TBC1D2: variants seen among roughly 807,000 people sequenced by gnomAD.
The protein encoded by TBC1D2 is TBC1 domain family member 2A.
Under a neutral mutation model 91.1 loss-of-function variants are expected in TBC1D2, and 58 were observed. The ratio of observed to expected loss-of-function variants is 0.64; its 90% CI spans 0.52 to 0.79. The LOEUF is 0.79. Among genes scored for constraint, TBC1D2 ranks in the 30% least tolerant of loss-of-function variants. TBC1D2 has a pLI of 0.00. For missense variants in TBC1D2, 1,080 were observed against 1,208.3 expected (o/e 0.89, Z 1.57); for synonymous variants, 482 against 511.5 (o/e 0.94, Z 0.78).
chr9:98,235,623 G>C lies in TBC1D2; in HGVS notation c.648-2074C>G, dbSNP rs1023879015. 1.4e-4 allele frequency: 55 copies of C among 384,268 alleles called. 1 individual carries two copies. The highest frequency in any genetic ancestry group is 4.2e-4 in the Admixed American group (12 of 28,374). The allele number at this position is 384,268 out of a possible 1,614,324, so 23.8% of individuals were successfully genotyped here. A position where few individuals can be genotyped will look rare whatever the true frequency, so the allele number is the denominator to read the frequency against. ...AGCTATAATCCTAGAATTATTGTCT[G>C]TTTCTCTAAAGCACTTCCCAAAATA... On this transcript the variant is annotated intron_variant, in intron 3 of 12. Transcript: ENST00000465784.
intron 6 of TBC1D2, among the ~76,000 whole-genome samples, chr9:98,214,862 A>T (rs1588038915): frequency 6.6e-6 from 1 of 151,966 alleles, no homozygotes; most frequent in East Asian, 1.9e-4. Flanking sequence ...CCCCCTGTTG[A>T]CTTTATCACA....
At chr9:98,225,768 T>C (rs1829218102) in intron 5 of TBC1D2, among the ~76,000 whole-genome samples, 1 of 152,226 alleles carries the variant, frequency 6.6e-6, no homozygotes, top group South Asian at 2.1e-4. Flanking sequence ...TGCTCACATC[T>C]TCTCTTCCCC....
Position 98,244,386 on chromosome 9 carries a change from C to T in TBC1D2, c.512-257G>A, listed in dbSNP as rs543332195. 4.6e-5 allele frequency among the ~76,000 whole-genome samples: 7 copies of T among 152,188 alleles called. No homozygotes were observed. The East Asian group carries it at 1.2e-3, about 25-fold the overall frequency. Reference sequence around the variant, plus strand: ...AAAAATATGCAGACCTGGCTGGGAGCGGTGGCTCATGCCTGTAATCTCAGC... The same window carrying T: ...AAAAATATGCAGACCTGGCTGGGAGTGGTGGCTCATGCCTGTAATCTCAGC... On this transcript the variant is annotated intron_variant, in intron 2 of 12. Transcript: ENST00000465784.
chr9:98,240,021 C>T (rs900312238), intron 3 of TBC1D2, among the ~76,000 whole-genome samples: 1 of 152,054 alleles, frequency 6.6e-6, no homozygotes, highest in African/African-American at 2.4e-5. Flanking sequence ...TAGCAATGCT[C>T]TCTTTTGTTC....
Position 98,221,107 on chromosome 9 carries a change from C to A in TBC1D2, c.1100G>T (p.Arg367Leu), listed in dbSNP as rs975116004. The change falls in exon 6 of 13, where the codon CGG (arginine) becomes CTG (leucine). Residue 367 changes from arginine (R) to leucine (L), a missense_variant. By Grantham distance (102) the Arg-to-Leu change is moderately radical. Transcript: ENST00000465784. ...CCGCCGGCCCAGCTCCGCGATCTGCCGCACTTTGTGCCGCACCAGCTCCAG... is the reference window on the plus strand; with the variant it reads ...CCGCCGGCCCAGCTCCGCGATCTGCAGCACTTTGTGCCGCACCAGCTCCAG... The part of the protein sequence containing the change: ...DRLELVRHKV[R>L]QIAELGRRVE... 1.2e-6 allele frequency: 2 copies of A among 1,602,994 alleles called. No homozygotes were observed. The highest frequency in any genetic ancestry group is 1.7e-6 in the Non-Finnish European group (2 of 1,175,480).
At chr9:98,244,317 T>C (rs1290134741) in intron 2 of TBC1D2, among the ~76,000 whole-genome samples, 188 bp from the exon 3 acceptor site, 1 of 152,218 alleles carries the variant, frequency 6.6e-6, no homozygotes, top group East Asian at 1.9e-4. Flanking sequence ...CTGCAGCCAG[T>C]AAAATGATGC....
At chr9:98,222,927 C>A (rs1829134354) in intron 5 of TBC1D2, among the ~76,000 whole-genome samples, 1 of 152,178 alleles carries the variant, frequency 6.6e-6, no homozygotes, top group Non-Finnish European at 1.5e-5. Context: ...GGACTAGTGA[C>A]CATCCTTTCT....
chr9:98,238,093 G>A (rs747095453), intron 3 of TBC1D2, among the ~76,000 whole-genome samples: 2 of 135,008 alleles, frequency 1.5e-5, no homozygotes, highest in Non-Finnish European at 3.0e-5. Flanking sequence ...TAGTAGAGAC[G>A]GGATTTTACC....
intron 10 of TBC1D2, among the ~76,000 whole-genome samples, chr9:98,202,882 A>C (rs1265089893): frequency 2.0e-5 from 3 of 152,258 alleles, no homozygotes; most frequent in Admixed American, 6.5e-5. Context: ...TGACCAGTAA[A>C]CTGCAAGTAG....
At chr9:98,248,226 C>A (rs1384477140) in intron 2 of TBC1D2, among the ~76,000 whole-genome samples, 1 of 152,226 alleles carries the variant, frequency 6.6e-6, no homozygotes, top group East Asian at 1.9e-4. Context: ...CCCATGAAGG[C>A]ACAAGCTCCC....
rs1829300139 is a variant in TBC1D2, at chr9:98,228,945, A to C, written c.978+7T>G. On this transcript the variant is annotated splice_region_variant and intron_variant, in intron 5 of 12. Coordinates refer to ENST00000465784, the MANE Select transcript of TBC1D2 (RefSeq NM_001267571.2). The surrounding 1 kb of genome is among the most constrained non-coding windows in gnomAD (Gnocchi z 4.0). ...GAACCTGGGGCCTCCCTGGGACCAG[A>C]CCTCACCTTCTGAGACTTTAACTCC... 5 of 1,613,136 alleles carry C rather than the reference A, an allele frequency of 3.1e-6. No homozygotes were observed. The highest frequency in any genetic ancestry group is 4.2e-6 in the Non-Finnish European group (5 of 1,179,314).
At chr9:98,251,235 G>A (rs57262924) in intron 2 of TBC1D2, among the ~76,000 whole-genome samples, 7,457 of 151,854 alleles carry the variant, frequency 0.049, 369 homozygotes, top group African/African-American at 0.13. Flanking sequence ...AAGTTGCAGT[G>A]AGCCGAGATT....
rs765612368 is a variant in TBC1D2 at position 98,238,664 on chromosome 9, A to G, written c.648-5115T>C. ...GGAAAATATTCAGTCTTTTACCATTAAGTATGTTAGCTTTGCATTTTTCAT... is the reference window on the plus strand; with the variant it reads ...GGAAAATATTCAGTCTTTTACCATTGAGTATGTTAGCTTTGCATTTTTCAT... On this transcript the variant is annotated intron_variant, in intron 3 of 12. Transcript: ENST00000465784. Among the ~76,000 whole-genome samples the G allele has an allele frequency of 8.7e-5, 12 of 137,356 alleles. 1 individual carries two copies. The highest frequency in any genetic ancestry group is 2.1e-4 in the South Asian group (1 of 4,790). The allele number at this position is 137,356 out of a possible 152,430, so 90.1% of individuals were successfully genotyped here. A position where few individuals can be genotyped will look rare whatever the true frequency, so the allele number is the denominator to read the frequency against.
chr9:98,237,997 G>T (rs1219509146), intron 3 of TBC1D2, among the ~76,000 whole-genome samples: 6 of 145,788 alleles, frequency 4.1e-5, no homozygotes, highest in Non-Finnish European at 9.0e-5. Context: ...TCTGCCTCCC[G>T]GGTTCAAGCG....
In TBC1D2 at chr9:98,208,891, C is replaced by G. The variant is rs753055922; in HGVS notation, c.1927G>C (p.Val643Leu). Residue 643 changes from valine (V) to leucine (L), a missense_variant, in exon 9 of 13, where the codon GTC (valine) becomes CTC (leucine). Val to Leu is a conservative substitution (Grantham distance 32). Coordinates refer to ENST00000465784, the MANE Select transcript of TBC1D2 (RefSeq NM_001267571.2). Reference sequence around the variant, plus strand: ...CAGCCTGGAGTGTGCAGGTGCTGGACACGGAGGTGGACCAGCCACCTCCAG... The same window carrying G: ...CAGCCTGGAGTGTGCAGGTGCTGGAGACGGAGGTGGACCAGCCACCTCCAG... Reference protein sequence around the residue: ...RVWRWLVHLRVQHLHTPGCYQ... With the variant: ...RVWRWLVHLRLQHLHTPGCYQ... 6.2e-7 allele frequency: 1 copy of G among 1,614,144 alleles called. No homozygotes were observed. Among genetic ancestry groups the G allele is most frequent in the East Asian group, 2.2e-5 (1 of 44,876 alleles).
At chr9:98,244,387 G>A (rs774095953) in intron 2 of TBC1D2, among the ~76,000 whole-genome samples, 11 of 152,238 alleles carry the variant, frequency 7.2e-5, no homozygotes, top group East Asian at 1.9e-4. Flanking sequence ...GGCTGGGAGC[G>A]GTGGCTCATG....
In TBC1D2 at chr9:98,208,891, C is replaced by T. The variant is rs753055922; in HGVS notation, c.1927G>A (p.Val643Ile). 2.5e-6 allele frequency: 4 copies of T among 1,614,026 alleles called. No homozygotes were observed. Among genetic ancestry groups the T allele is most frequent in the Non-Finnish European group, 3.4e-6 (4 of 1,180,020 alleles). ...CAGCCTGGAGTGTGCAGGTGCTGGA[C>T]ACGGAGGTGGACCAGCCACCTCCAG... ...RVWRWLVHLR[V>I]QHLHTPGCYQ... Residue 643 changes from valine (V) to isoleucine (I), a missense_variant, in exon 9 of 13, where the codon GTC becomes ATC. Physicochemically the swap from Val to Ile is conservative, Grantham distance 29 (BLOSUM62 3). Transcript: ENST00000465784.
chr9:98,213,443 C>T, intron 6 of TBC1D2: 5 of 1,341,628 alleles, frequency 3.7e-6, no homozygotes, highest in Non-Finnish European at 4.8e-6. Flanking sequence ...AATTTAAGTC[C>T]TGGCTGATGT....
chr9:98,209,996 T>C (rs1379796301), intron 8 of TBC1D2, among the ~76,000 whole-genome samples: 3 of 151,360 alleles, frequency 2.0e-5, no homozygotes, highest in Non-Finnish European at 3.0e-5. Flanking sequence ...TCTTCTTTTT[T>C]TTTTTTTTTT....
Sources: gnomAD v4.1 joint callset for allele counts (sites outside exome capture counted in the v4.1 genomes callset) on GRCh38, gnomAD v4.1.1 for gene constraint, Gnocchi (gnomAD v3.1) non-coding constraint, MANE v1.5 for transcripts, NCBI Gene and HGNC (gene_info 2026-07-23, HGNC 2026-07-21) for gene names.